The following NCALD variants were observed in gnomAD, a reference collection of about 807,000 sequenced individuals.
NCALD encodes the protein neurocalcin delta.
A neutral mutation model predicts 18.6 loss-of-function variants in NCALD; 10 were observed. That is an observed-to-expected ratio of 0.54 (90% CI 0.33 to 0.91). The LOEUF is 0.91. NCALD is among the 40% of genes least tolerant of loss of function. The pLI, the probability that NCALD is intolerant of heterozygous loss-of-function variation, is 0.03. For missense variants in NCALD, 184 were observed against 247.6 expected (o/e 0.74, Z 1.72); for synonymous variants, 88 against 87.4 (o/e 1.01, Z -0.04).
intron 2 of NCALD, among the ~76,000 whole-genome samples, chr8:101,959,140 G>A (rs976133332): frequency 6.6e-6 from 1 of 152,108 alleles, no homozygotes; most frequent in African/African-American, 2.4e-5. Flanking sequence ...AATTGTCATG[G>A]CTATTTATCT....
At chr8:101,894,343 T>A (rs1429003369) in intron 3 of NCALD, among the ~76,000 whole-genome samples, 5 of 125,376 alleles carry the variant, frequency 4.0e-5, no homozygotes, top group Non-Finnish European at 8.0e-5. Flanking sequence ...TACCAGAATC[T>A]CTGGGACACA....
intron 1 of NCALD, among the ~76,000 whole-genome samples, chr8:101,779,193 T>C (rs1811915465): frequency 6.6e-6 from 1 of 152,074 alleles, no homozygotes; most frequent in Non-Finnish European, 1.5e-5. Context: ...TCTAGCAAAA[T>C]TGAAAATGAG....
chr8:101,927,454 T>G (rs529544010), intron 2 of NCALD, among the ~76,000 whole-genome samples: 9 of 152,170 alleles, frequency 5.9e-5, no homozygotes, highest in Admixed American at 5.2e-4. Context: ...CTGCGTGTGA[T>G]GAAGGTGTCT....
At chr8:102,016,119 G>A (rs950912825) in intron 2 of NCALD, among the ~76,000 whole-genome samples, 2 of 152,128 alleles carry the variant, frequency 1.3e-5, no homozygotes, top group African/African-American at 2.4e-5. Flanking sequence ...TCTTGGAAAG[G>A]GGTACAAGCA....
intron 4 of NCALD, among the ~76,000 whole-genome samples, chr8:101,861,342 C>A (rs1815534409): frequency 6.6e-6 from 1 of 151,804 alleles, no homozygotes; most frequent in Non-Finnish European, 1.5e-5. Context: ...TTCTTGCCAC[C>A]CTCCGAGTCA....
rs574750654 is a variant in NCALD, at chr8:101,892,546, C to T, written c.-106-5319G>A. 4.1e-3 allele frequency among the ~76,000 whole-genome samples: 605 copies of T among 149,226 alleles called. 23 individuals are homozygous for T. Among genetic ancestry groups the T allele is most frequent in the Non-Finnish European group, 6.4e-3 (432 of 67,900 alleles). On this transcript the variant is annotated intron_variant, in intron 3 of 6. Coordinates refer to the NCALD transcript ENST00000311028. ...TTGACAAATTGAGAGAAGAAGGCTT[C>T]AGACGATCAAACTACTCCGAGCTAC...
chr8:101,753,566 A>G (rs1810748236), intron 1 of NCALD, among the ~76,000 whole-genome samples: 3 of 152,220 alleles, frequency 2.0e-5, no homozygotes, highest in Admixed American at 6.5e-5. Flanking sequence ...GGCAGTTACA[A>G]TAACTTTATC....
intron 1 of NCALD, chr8:101,746,133 T>C (rs1443742526): frequency 1.3e-5 from 2 of 152,176 alleles, no homozygotes; most frequent in Admixed American, 6.5e-5. Context: ...AAATATAGGC[T>C]TGGGGAGAGA....
chr8:101,874,681 C>T (rs1234113509), intron 4 of NCALD, among the ~76,000 whole-genome samples: 1 of 151,826 alleles, frequency 6.6e-6, no homozygotes, highest in East Asian at 1.9e-4. Flanking sequence ...TGCACCACCA[C>T]ATCCAGCTAA....
At chr8:101,826,875 T>C (rs914447288) in intron 4 of NCALD, among the ~76,000 whole-genome samples, 2 of 151,398 alleles carry the variant, frequency 1.3e-5, no homozygotes, top group Non-Finnish European at 2.9e-5. Context: ...GAAATATTCA[T>C]AGACAAATCT....
intron 1 of NCALD, chr8:101,789,097 C>G (rs889409000): frequency 1.3e-5 from 2 of 152,038 alleles, no homozygotes; most frequent in Non-Finnish European, 2.9e-5. Flanking sequence ...GAGACAGCAC[C>G]AAGAAAATCT....
intron 2 of NCALD, among the ~76,000 whole-genome samples, chr8:101,942,470 G>A (rs1818995093): frequency 6.6e-6 from 1 of 152,122 alleles, no homozygotes; most frequent in Non-Finnish European, 1.5e-5. Flanking sequence ...ACTATTAGAG[G>A]TATAATCAAT....
chr8:102,083,515 TTTTATC>T (rs1326063108), intron 1 of NCALD, among the ~76,000 whole-genome samples: 1 of 152,188 alleles, frequency 6.6e-6, no homozygotes, highest in African/African-American at 2.4e-5. Context: ...CCTTTATTCT[TTTTATC>T]TTTAACTTTT....
intron 2 of NCALD, among the ~76,000 whole-genome samples, chr8:102,006,864 T>C (rs149264026): frequency 6.6e-6 from 1 of 152,330 alleles, no homozygotes; most frequent in East Asian, 1.9e-4. Flanking sequence ...TTAACTTCTC[T>C]CCAGAGTATG....
chr8:101,749,896 C>G (rs1563729192), intron 1 of NCALD: 2 of 152,264 alleles, frequency 1.3e-5, no homozygotes, highest in Admixed American at 6.5e-5. Flanking sequence ...GGGCTGCTGT[C>G]TCTTCTGGCA....
At chr8:102,019,661 A>G (rs1162431871) in intron 2 of NCALD, among the ~76,000 whole-genome samples, 12 of 152,174 alleles carry the variant, frequency 7.9e-5, no homozygotes, top group Admixed American at 7.9e-4. Context: ...ATTTTAGTCA[A>G]TCTCATTTAT....
chr8:101,698,321 A>G (rs1045022532), intron 2 of NCALD, among the ~76,000 whole-genome samples: 5 of 152,204 alleles, frequency 3.3e-5, no homozygotes, highest in Admixed American at 2.6e-4. Context: ...ATCCTCACGG[A>G]TAGGAAGAAT....
chr8:102,054,705 G>C (rs1823580680), intron 1 of NCALD, among the ~76,000 whole-genome samples: 1 of 115,406 alleles, frequency 8.7e-6, no homozygotes, highest in African/African-American at 3.1e-5. Flanking sequence ...TAGATAGATA[G>C]ATAGATAGAT....
At chr8:101,957,953 C>A (rs1347102007) in intron 2 of NCALD, among the ~76,000 whole-genome samples, 2 of 152,180 alleles carry the variant, frequency 1.3e-5, no homozygotes, top group Non-Finnish European at 2.9e-5. Flanking sequence ...AAAAGATGTG[C>A]ACTTCTCCTC....
Sources: gnomAD v4.1 joint callset for allele counts (sites outside exome capture counted in the v4.1 genomes callset) on GRCh38, gnomAD v4.1.1 for gene constraint, MANE v1.5 for transcripts, NCBI Gene and HGNC (gene_info 2026-07-23, HGNC 2026-07-21) for gene names.